OARD1: variants seen among roughly 807,000 people sequenced by gnomAD.
OARD1 encodes O-acyl-ADP-ribose deacylase 1.
OARD1 carries 19 observed loss-of-function variants against 19.7 expected under a neutral mutation model. The ratio of observed to expected loss-of-function variants is 0.96; its 90% CI spans 0.67 to 1.41. The LOEUF (loss-of-function observed/expected upper bound fraction) is 1.41. Among genes scored for constraint, OARD1 ranks in the 40% most tolerant of loss-of-function variants. OARD1 has a pLI of 0.00. For missense variants in OARD1, 190 were observed against 183.8 expected, an observed-to-expected ratio of 1.03 and a Z score of -0.20; for synonymous variants, 70 against 61.8, an observed-to-expected ratio of 1.13 and a Z score of -0.62.
Position 41,067,242 on chromosome 6 carries a change from T to G in OARD1, c.*93A>C, listed in dbSNP as rs1194945480. On this transcript the variant is annotated 3_prime_UTR_variant, in exon 6 of 6. Coordinates refer to ENST00000424266, the MANE Select transcript of OARD1 (RefSeq NM_001329686.2). ...TAAACACACTACTTCTCATGAAACT[T>G]TCCTCTGCCTATTTTAAGGTAGGTT... The G allele has an allele frequency of 1.4e-6, 1 of 692,026 alleles. No individual in the cohort carries two copies. Among genetic ancestry groups the G allele is most frequent in the Non-Finnish European group, 2.5e-6 (1 of 398,326 alleles). The allele number at this position is 692,026 out of a possible 1,614,324, so 42.9% of individuals were successfully genotyped here.
upstream of OARD1, among the ~76,000 whole-genome samples, chr6:41,077,388 T>C (rs1224401171): frequency 2.0e-5 from 3 of 152,210 alleles, no homozygotes; most frequent in Non-Finnish European, 4.4e-5. Flanking sequence ...TCAACCTCCC[T>C]CTTTCCTGTC....
At chr6:41,090,404 C>A in intron 1 of OARD1, 1 of 646,368 alleles carries the variant, frequency 1.5e-6, no homozygotes, top group Non-Finnish European at 2.8e-6. Context: ...GTGAACTTGA[C>A]ACTACATATT....
At chr6:41,068,155 A>G (rs1005563478) in intron 5 of OARD1, among the ~76,000 whole-genome samples, 1 of 152,236 alleles carries the variant, frequency 6.6e-6, no homozygotes, top group Non-Finnish European at 1.5e-5. Context: ...AATAAGGGAC[A>G]TTTGAGGCCA....
chr6:41,084,004 T>C, intron 1 of OARD1: 3 of 1,532,154 alleles, frequency 2.0e-6, no homozygotes, highest in Non-Finnish European at 2.6e-6. Context: ...AACCATTTTG[T>C]GTCTTATGTT....
intron 1 of OARD1, chr6:41,080,906 C>T: frequency 1.2e-6 from 2 of 1,608,488 alleles, no homozygotes; most frequent in Non-Finnish European, 1.7e-6. Flanking sequence ...TAGTGGTACC[C>T]TCTCTGATTC....
In OARD1 at chr6:41,089,068, C is replaced by T. The variant is rs993158818; in HGVS notation, c.-42+8645G>A. 6.6e-5 allele frequency among the ~76,000 whole-genome samples: 10 copies of T among 152,288 alleles called. No homozygotes were observed. In the South Asian group the frequency reaches 1.0e-3, roughly 16 times the overall value. ...TGGCGTGATCTCGGCTCACTGCAAC[C>T]TCCGCCTCCGGTTCAAGTGATTTTC... On this transcript the variant is annotated intron_variant, in intron 1 of 4. Transcript: ENST00000480585.
rs1763038888 is a variant in OARD1 at position 41,066,960 on chromosome 6, G to C, written c.*375C>G. ...ACGACAAAAAATGCCAAACTAACTG[G>C]AATGATCATCCTTCCTGAAATTTCT... is the stretch of plus-strand genomic sequence containing the variant. On this transcript the variant is annotated 3_prime_UTR_variant, in exon 6 of 6. Transcript: ENST00000424266. The C allele has an allele frequency of 6.4e-6, 1 of 155,508 alleles. No individual in the cohort carries two copies. Among genetic ancestry groups the C allele is most frequent in the Non-Finnish European group, 1.4e-5 (1 of 70,212 alleles). The allele number at this position is 155,508 out of a possible 1,614,324, so 9.6% of individuals were successfully genotyped here.
At chr6:41,078,214 T>C (rs1375258715) in intron 1 of OARD1, among the ~76,000 whole-genome samples, 5 of 152,226 alleles carry the variant, frequency 3.3e-5, no homozygotes, top group African/African-American at 1.2e-4. Flanking sequence ...CTTGGACATA[T>C]AGTTGCACAT....
At chr6:41,073,551 C>T (rs1763610549), upstream of OARD1, among the ~76,000 whole-genome samples, 1 of 152,108 alleles carries the variant, frequency 6.6e-6, no homozygotes, top group African/African-American at 2.4e-5. Flanking sequence ...GGAAGCCTCC[C>T]CGGGGCCCGC....
At chr6:41,088,214 C>T (rs896764717) in intron 1 of OARD1, among the ~76,000 whole-genome samples, 1 of 151,728 alleles carries the variant, frequency 6.6e-6, no homozygotes, top group Admixed American at 6.6e-5. Flanking sequence ...GTCAGGAGAT[C>T]GAGACCATCC....
At chr6:41,080,840 G>A (rs144570143) in intron 1 of OARD1, 1 of 1,613,978 alleles carries the variant, frequency 6.2e-7, no homozygotes, top group Non-Finnish European at 8.5e-7. Flanking sequence ...CTGTGCAGTT[G>A]CAGACTGAGG....
intron 1 of OARD1, chr6:41,094,555 A>C (rs1214621806): frequency 1.5e-6 from 2 of 1,372,870 alleles, no homozygotes; most frequent in Non-Finnish European, 2.1e-6. Flanking sequence ...ACTTGAGTTG[A>C]AGCCTTCAGC....
chr6:41,091,920 G>A (rs2113816441), intron 1 of OARD1, among the ~76,000 whole-genome samples: 1 of 152,256 alleles, frequency 6.6e-6, no homozygotes, highest in South Asian at 2.1e-4. Flanking sequence ...TGGAGATAAA[G>A]CAATGGATAA....
rs564190493 is a variant in OARD1 at position 41,085,055 on chromosome 6, C to CA, written c.-42+12657dup. ...AATTAGATATTTCTCATCGAGATGG[C>CA]AAAAAAAAACAAAAAGTCATTATAT... On this transcript the variant is annotated intron_variant, in intron 1 of 4. Coordinates refer to the OARD1 transcript ENST00000480585. 1.1e-3 allele frequency among the ~76,000 whole-genome samples: 166 copies of CA among 146,176 alleles called. 1 individual carries two copies. Among genetic ancestry groups the CA allele is most frequent in the Non-Finnish European group, 2.0e-3 (130 of 66,202 alleles).
rs1022262839 is a variant in OARD1, at chr6:41,084,364, A to C, written c.-41-12689T>G. Among the ~76,000 whole-genome samples, 63 of 152,256 alleles carry C rather than the reference A, an allele frequency of 4.1e-4. 1 individual carries two copies. On this transcript the variant is annotated intron_variant, in intron 1 of 4. Transcript: ENST00000480585. ...CCAGTGATATAAACTAGAACTATGC[A>C]GAAATTGGACAGCTCCAGTAATGAC...
At chr6:41,084,897 G>A (rs951111179) in intron 1 of OARD1, among the ~76,000 whole-genome samples, 1 of 152,184 alleles carries the variant, frequency 6.6e-6, no homozygotes, top group Non-Finnish European at 1.5e-5. Flanking sequence ...GGAGGCGGAG[G>A]TTGCAGTAAG....
chr6:41,096,194 A>G (rs574174098), intron 1 of OARD1, among the ~76,000 whole-genome samples: 9 of 152,334 alleles, frequency 5.9e-5, no homozygotes, highest in African/African-American at 2.2e-4. Flanking sequence ...CATCTAAGCA[A>G]CTTTGCCTTA....
upstream of OARD1, chr6:41,075,276 C>T (rs917019708): frequency 6.6e-6 from 1 of 152,204 alleles, no homozygotes; most frequent in Non-Finnish European, 1.5e-5. Context: ...CCTGGAACTC[C>T]TGGGCTCAAG....
In OARD1 at chr6:41,066,437, G is replaced by T. The variant is rs1250955232; in HGVS notation, c.*898C>A. ...GTATGAGAATTTTTTGAGAGGAAGT[G>T]GCCTTTATTTTTTTAAAGAAGACTC... On this transcript the variant is annotated 3_prime_UTR_variant, in exon 6 of 6. Transcript: ENST00000424266. The T allele has an allele frequency of 6.6e-6, 1 of 152,040 alleles. No homozygotes were observed. The highest frequency in any genetic ancestry group is 1.5e-5 in the Non-Finnish European group (1 of 68,004). The allele number at this position is 152,040 out of a possible 1,614,324, so 9.4% of individuals were successfully genotyped here. A position where few individuals can be genotyped will look rare whatever the true frequency, so the allele number is the denominator to read the frequency against.
Sources: allele counts gnomAD v4.1 joint callset (sites outside exome capture counted in the v4.1 genomes callset), GRCh38; gene constraint gnomAD v4.1.1; transcripts MANE v1.5; gene names NCBI Gene and HGNC (gene_info 2026-07-23, HGNC 2026-07-21).